Variants in DSCAML1 observed in about 807,000 individuals in gnomAD.
The protein encoded by DSCAML1 is cell adhesion molecule DSCAML1.
Under a neutral mutation model 200.5 loss-of-function variants are expected in DSCAML1, and 38 were observed. That is an observed-to-expected ratio of 0.19 (90% CI 0.15 to 0.25). The LOEUF is 0.25. Among genes scored for constraint, DSCAML1 ranks in the 10% least tolerant of loss-of-function variants. The pLI, the probability that DSCAML1 is intolerant of heterozygous loss-of-function variation, is 1.00. For missense variants in DSCAML1, 2,223 were observed against 2,858.8 expected, an observed-to-expected ratio of 0.78 and a Z score of 5.07; for synonymous variants, 1,215 against 1,165.0, an observed-to-expected ratio of 1.04 and a Z score of -0.87.
At chr11:117,773,263 C>T (rs75598992) in intron 3 of DSCAML1, among the ~76,000 whole-genome samples, 3 of 152,164 alleles carry the variant, frequency 2.0e-5, no homozygotes, top group Admixed American at 6.5e-5. Context: ...CAAGGGGATG[C>T]CTCCTGGGGC....
intron 3 of DSCAML1, among the ~76,000 whole-genome samples, 181 bp downstream of exon 3, chr11:117,776,610 C>T (rs1421896456): frequency 1.3e-5 from 2 of 151,976 alleles, no homozygotes; most frequent in Admixed American, 6.6e-5. Flanking sequence ...GAGAGACGTG[C>T]CAGACCAAGA....
rs570947117 is a variant in DSCAML1, at chr11:117,553,133, C to T, written c.512-20611G>A. On this transcript the variant is annotated intron_variant, in intron 3 of 32. Coordinates refer to ENST00000651296, the MANE Select transcript of DSCAML1 (RefSeq NM_020693.4). ...TCTTCAAACAGAAAGGACAGACATT[C>T]ACAATGGATCGAAGGCCTGAGTGCA... 1.1e-4 allele frequency among the ~76,000 whole-genome samples: 16 copies of T among 152,134 alleles called. 1 individual carries two copies. The highest frequency in any genetic ancestry group is 1.0e-3 in the Admixed American group (16 of 15,274).
intron 3 of DSCAML1, among the ~76,000 whole-genome samples, chr11:117,773,394 G>A (rs377748328): frequency 1.8e-4 from 27 of 152,152 alleles, no homozygotes; most frequent in African/African-American, 6.3e-4. Context: ...CAGTTCCTCT[G>A]GCTCCGGAAG....
At chr11:117,687,529 G>T (rs1465551116) in intron 3 of DSCAML1, among the ~76,000 whole-genome samples, 1 of 149,222 alleles carries the variant, frequency 6.7e-6, no homozygotes, top group Non-Finnish European at 1.5e-5. Context: ...GCCTCTGAAA[G>T]TTCTGGGATT....
chr11:117,439,460 C>A, intron 22 of DSCAML1, 31 bp from the exon 23 acceptor site: 2 of 1,600,184 alleles, frequency 1.2e-6, no homozygotes, highest in Non-Finnish European at 1.7e-6. Context: ...GCGGGTGGGT[C>A]ATGTCAAGCA....
chr11:117,681,117 G>A (rs1175852114), intron 3 of DSCAML1, among the ~76,000 whole-genome samples: 12 of 152,066 alleles, frequency 7.9e-5, no homozygotes. Context: ...CACAAAACAC[G>A]CATCTGCAAA....
chr11:117,693,057 G>T (rs2053526765), intron 3 of DSCAML1, among the ~76,000 whole-genome samples: 2 of 152,204 alleles, frequency 1.3e-5, no homozygotes. Flanking sequence ...GATGTGGTCT[G>T]AACAGCACAG....
At chr11:117,767,471 C>T (rs917074870) in intron 3 of DSCAML1, among the ~76,000 whole-genome samples, 8 of 152,142 alleles carry the variant, frequency 5.3e-5, no homozygotes, top group African/African-American at 1.7e-4. Context: ...TTGCTGCCTC[C>T]GAGTGCTTTC....
chr11:117,680,076 A>AAGAT lies in DSCAML1; in HGVS notation c.511+96711_511+96714dup, dbSNP rs1195231361. ...TTCCTCAGTTGCTTGTCCATCAGTG[A>AAGAT]AGATAATGCCTTCTCTAAGCTGAAG... is the stretch of plus-strand genomic sequence containing the variant. On this transcript the variant is annotated intron_variant, in intron 3 of 32. Transcript: ENST00000651296. Among the ~76,000 whole-genome samples, 7 of 152,252 alleles carry AAGAT rather than the reference A, an allele frequency of 4.6e-5. No homozygotes were observed. The East Asian group carries it at 1.3e-3, about 29-fold the overall frequency.
intron 3 of DSCAML1, among the ~76,000 whole-genome samples, chr11:117,620,837 C>T (rs2051913765): frequency 6.6e-6 from 1 of 152,194 alleles, no homozygotes; most frequent in Non-Finnish European, 1.5e-5. Context: ...CTAAACCTCT[C>T]TGGGTCTCAG....
At chr11:117,502,667 G>A (rs1053101552) in intron 11 of DSCAML1, among the ~76,000 whole-genome samples, 7 of 152,262 alleles carry the variant, frequency 4.6e-5, no homozygotes, top group Non-Finnish European at 8.8e-5. Flanking sequence ...GACCACACAC[G>A]GGGCTATGCT....
Position 117,797,081 on chromosome 11 carries a change from C to T in DSCAML1, c.-2G>A, listed in dbSNP as rs1212800432. 1 of 1,583,074 alleles carries T rather than the reference C, an allele frequency of 6.3e-7. No individual in the cohort carries two copies. Among genetic ancestry groups the T allele is most frequent in the South Asian group, 1.1e-5 (1 of 87,892 alleles). On this transcript the variant is annotated 5_prime_UTR_variant, in exon 1 of 33. Coordinates refer to ENST00000651296, the MANE Select transcript of DSCAML1 (RefSeq NM_020693.4). ...CAGGAGGAAAGTTACCAGCCACATG[C>T]CATAAAGAGGCCCTATTCTCCGGGG...
At chr11:117,506,603 CGG>C (rs1463464849) in intron 8 of DSCAML1, among the ~76,000 whole-genome samples, 8 of 134,010 alleles carry the variant, frequency 6.0e-5, no homozygotes, top group African/African-American at 2.3e-4. Context: ...GTCACCCAGG[CGG>C]GAGTACAGTG....
intron 3 of DSCAML1, among the ~76,000 whole-genome samples, chr11:117,553,473 C>G (rs929029793): frequency 6.6e-6 from 1 of 152,122 alleles, no homozygotes; most frequent in Non-Finnish European, 1.5e-5. Context: ...CATGGTCAAA[C>G]GACTTGAATA....
chr11:117,446,153 C>G (rs1231230624), intron 20 of DSCAML1, among the ~76,000 whole-genome samples: 1 of 152,208 alleles, frequency 6.6e-6, no homozygotes, highest in Non-Finnish European at 1.5e-5. Context: ...CACCTGAGAT[C>G]AGGAGTTTGA....
At chr11:117,546,574 C>A (rs1038375881) in intron 3 of DSCAML1, among the ~76,000 whole-genome samples, 23 of 152,038 alleles carry the variant, frequency 1.5e-4, no homozygotes, top group African/African-American at 5.6e-4. Flanking sequence ...TGTGGAGTTA[C>A]CAGAAAGGAC....
intron 1 of DSCAML1, among the ~76,000 whole-genome samples, chr11:117,806,847 A>G (rs2134087380): frequency 6.6e-6 from 1 of 152,356 alleles, no homozygotes; most frequent in East Asian, 1.9e-4. Flanking sequence ...ACGAATTATT[A>G]TGCACTCATT....
intron 1 of DSCAML1, among the ~76,000 whole-genome samples, chr11:117,810,013 TCACA>T (rs932028212): frequency 2.7e-5 from 4 of 150,484 alleles, no homozygotes; most frequent in Admixed American, 2.0e-4. Flanking sequence ...ATTCCCACAC[TCACA>T]CATATTCAAA....
intron 1 of DSCAML1, among the ~76,000 whole-genome samples, chr11:117,790,310 G>A (rs972581915): frequency 9.2e-5 from 14 of 152,210 alleles, no homozygotes; most frequent in African/African-American, 2.4e-4. Flanking sequence ...CCTTGGAGGG[G>A]AATGGGAGGA....
Sources: allele counts gnomAD v4.1 joint callset (sites outside exome capture counted in the v4.1 genomes callset), GRCh38; gene constraint gnomAD v4.1.1; transcripts MANE v1.5; gene names NCBI Gene and HGNC (gene_info 2026-07-23, HGNC 2026-07-21).